The following CSMD1 variants were observed in gnomAD, a reference collection of about 807,000 sequenced individuals.
CSMD1 encodes CUB and Sushi multiple domains 1.
In CSMD1, 213 loss-of-function variants were observed where a neutral mutation model predicts 417.5. That is an observed-to-expected ratio of 0.51 (90% CI 0.46 to 0.57). The LOEUF is 0.57. CSMD1 is among the 20% of genes least tolerant of loss of function. The pLI is 0.00. For synonymous variants in CSMD1, 2,862 were observed against 1,736.8 expected (o/e 1.65, Z -16.11); for missense variants, 6,923 against 4,529.7 (o/e 1.53, Z -15.17).
intron 3 of CSMD1, among the ~76,000 whole-genome samples, chr8:4,310,154 C>G (rs564731165): frequency 6.6e-6 from 1 of 152,316 alleles, no homozygotes; most frequent in African/African-American, 2.4e-5. Context: ...ACGTTTCTAA[C>G]ACCCAGGTAT....
chr8:3,217,048 T>C (rs1797923281), intron 29 of CSMD1, among the ~76,000 whole-genome samples: 2 of 152,068 alleles, frequency 1.3e-5, no homozygotes, highest in South Asian at 4.1e-4. Flanking sequence ...ATCACTGCCC[T>C]AGGCTGCATG....
At chr8:4,072,883 T>C (rs1193120360) in intron 3 of CSMD1, among the ~76,000 whole-genome samples, 1 of 152,192 alleles carries the variant, frequency 6.6e-6, no homozygotes, top group Non-Finnish European at 1.5e-5. Flanking sequence ...AACCTCTATG[T>C]ACAGTGGAAA....
At chr8:3,518,038 A>G (rs541219662) in intron 10 of CSMD1, among the ~76,000 whole-genome samples, 1 of 152,184 alleles carries the variant, frequency 6.6e-6, no homozygotes, top group Non-Finnish European at 1.5e-5. Context: ...ATCTCCCTCA[A>G]GAAGATTTAT....
At chr8:3,390,812 A>C (rs187957770) in intron 17 of CSMD1, among the ~76,000 whole-genome samples, 1 of 152,198 alleles carries the variant, frequency 6.6e-6, no homozygotes, top group African/African-American at 2.4e-5. Context: ...AACAGTCTTT[A>C]TAAAACTCCT....
intron 2 of CSMD1, among the ~76,000 whole-genome samples, chr8:4,575,499 T>A (rs534397751): frequency 6.6e-6 from 1 of 152,164 alleles, no homozygotes; most frequent in Admixed American, 6.5e-5. Flanking sequence ...ATAATGCAGG[T>A]ATCCTCCAGA....
intron 3 of CSMD1, among the ~76,000 whole-genome samples, chr8:4,190,525 T>G (rs1365987962): frequency 7.0e-6 from 1 of 143,404 alleles, no homozygotes; most frequent in African/African-American, 2.6e-5. Context: ...AAATTAAAAT[T>G]TTACATACAC....
chr8:3,926,086 C>CACACACACACACACACACACAAACACCAT (rs1809670514), intron 5 of CSMD1, among the ~76,000 whole-genome samples: 1 of 16,150 alleles, frequency 6.2e-5, no homozygotes, highest in Non-Finnish European at 1.1e-4. Context: ...ACACCATACA[C>CACACACACACACACACACACAAACACCAT]ACACACACAC....
At chr8:3,338,967 C>T (rs1440173621) in intron 23 of CSMD1, among the ~76,000 whole-genome samples, 2 of 147,774 alleles carry the variant, frequency 1.4e-5, no homozygotes, top group Non-Finnish European at 3.0e-5. Flanking sequence ...GTATATCTCC[C>T]GATGCTCTCC....
intron 3 of CSMD1, among the ~76,000 whole-genome samples, chr8:4,403,729 C>G (rs898916203): frequency 6.6e-6 from 1 of 152,166 alleles, no homozygotes; most frequent in Non-Finnish European, 1.5e-5. Context: ...TTCTTGCCTG[C>G]TGATGACCTC....
intron 28 of CSMD1, among the ~76,000 whole-genome samples, chr8:3,219,867 T>C (rs1007001139): frequency 1.3e-5 from 2 of 152,180 alleles, no homozygotes; most frequent in African/African-American, 4.8e-5. Context: ...TTTGAAAATA[T>C]TGCAATTTCA....
At position 4,323,228 on chromosome 8, in the gene CSMD1, G is replaced by C. The variant is rs185958224; in HGVS notation, c.415+96725C>G. ...GCAGACCCATGTGATTGTAAGAGAAGTTAGGCATTATGTATAAGCAATTTT... is the reference window on the plus strand; with the variant it reads ...GCAGACCCATGTGATTGTAAGAGAACTTAGGCATTATGTATAAGCAATTTT... On this transcript the variant is annotated intron_variant, in intron 3 of 69. Coordinates refer to ENST00000635120, the MANE Select transcript of CSMD1 (RefSeq NM_033225.6). Among the ~76,000 whole-genome samples the C allele has an allele frequency of 3.6e-3, 550 of 152,270 alleles. 4 individuals carry two copies. Among genetic ancestry groups the C allele is most frequent in the African/African-American group, 0.012 (503 of 41,560 alleles).
intron 25 of CSMD1, among the ~76,000 whole-genome samples, chr8:3,297,932 C>A (rs1057478873): frequency 6.6e-6 from 1 of 151,946 alleles, no homozygotes; most frequent in East Asian, 1.9e-4. Context: ...AAAAAATGGG[C>A]AAAAGGCTTC....
At chr8:3,978,942 C>T (rs1262090392) in intron 5 of CSMD1, among the ~76,000 whole-genome samples, 1 of 152,184 alleles carries the variant, frequency 6.6e-6, no homozygotes, top group Non-Finnish European at 1.5e-5. Context: ...CATTGCCAGC[C>T]ACAGGTTCCA....
At chr8:4,243,273 C>A (rs1482047664) in intron 3 of CSMD1, among the ~76,000 whole-genome samples, 5 of 152,124 alleles carry the variant, frequency 3.3e-5, no homozygotes, top group African/African-American at 7.2e-5. Context: ...TACCTAGTCT[C>A]ATGAACTAGG....
chr8:4,035,919 G>C (rs1002801528), intron 3 of CSMD1, among the ~76,000 whole-genome samples: 5 of 152,166 alleles, frequency 3.3e-5, no homozygotes, highest in Non-Finnish European at 7.3e-5. Context: ...GACTCACCCA[G>C]AGCAACTTCC....
intron 2 of CSMD1, among the ~76,000 whole-genome samples, chr8:4,628,536 G>T (rs1276675899): frequency 1.3e-5 from 2 of 151,154 alleles, no homozygotes; most frequent in East Asian, 3.9e-4. Flanking sequence ...AAGAGACATA[G>T]GATAAGCATA....
At chr8:4,960,387 A>G (rs190976178) in intron 1 of CSMD1, among the ~76,000 whole-genome samples, 286 of 152,312 alleles carry the variant, frequency 1.9e-3, no homozygotes, top group Non-Finnish European at 2.9e-3. Flanking sequence ...AATTTGAGAG[A>G]GCTGGCAAGC....
chr8:3,748,493 T>G (rs1490380419), intron 6 of CSMD1, among the ~76,000 whole-genome samples: 1 of 152,144 alleles, frequency 6.6e-6, no homozygotes, highest in Non-Finnish European at 1.5e-5. Flanking sequence ...GCACTTGATT[T>G]CCTCCATTCC....
At chr8:4,876,048 T>A (rs1764929537) in intron 1 of CSMD1, among the ~76,000 whole-genome samples, 1 of 152,178 alleles carries the variant, frequency 6.6e-6, no homozygotes, top group Middle Eastern at 3.4e-3. Flanking sequence ...ACCTATCAAT[T>A]CAATTCTTCA....
Sources: allele counts gnomAD v4.1 joint callset (sites outside exome capture counted in the v4.1 genomes callset), GRCh38; gene constraint gnomAD v4.1.1; transcripts MANE v1.5; gene names NCBI Gene and HGNC (gene_info 2026-07-23, HGNC 2026-07-21).